ATP6V0A4: variants seen among roughly 807,000 people sequenced by gnomAD.
ATP6V0A4 encodes ATPase H+ transporting V0 subunit a4.
ATP6V0A4 carries 86 observed loss-of-function variants against 107.3 expected under a neutral mutation model. The observed-to-expected ratio is 0.80, with a 90% CI of 0.67 to 0.96. The LOEUF (loss-of-function observed/expected upper bound fraction) is 0.96. Ranked by LOEUF, ATP6V0A4 falls within the 40% of genes least tolerant of loss-of-function variation. The pLI is 0.00. For synonymous variants in ATP6V0A4, 353 were observed against 381.4 expected (o/e 0.93, Z 0.87); for missense variants, 908 against 1,045.6 (o/e 0.87, Z 1.81).
chr7:138,742,943 TCCAGAAAA>T, intron 14 of ATP6V0A4, among the ~76,000 whole-genome samples: 1 of 151,800 alleles, frequency 6.6e-6, no homozygotes. Context: ...TGTATGTCAT[TCCAGAAAA>T]CGTTTTATCC....
intron 2 of ATP6V0A4, among the ~76,000 whole-genome samples, chr7:138,781,248 A>G (rs77628357): frequency 0.024 from 3,605 of 152,310 alleles, 129 homozygotes; most frequent in African/African-American, 0.082. Flanking sequence ...ATGAACAGGT[A>G]TGGAGAAAAA....
At chr7:138,716,039 T>G in intron 19 of ATP6V0A4, 158 bp from the exon 20 acceptor site, 1 of 608,244 alleles carries the variant, frequency 1.6e-6, no homozygotes, top group Non-Finnish European at 2.1e-6. Flanking sequence ...GAAAGAATTA[T>G]CAGCACAAAG....
In ATP6V0A4 at chr7:138,798,064, G is replaced by T; in HGVS notation, c.-151C>A. On this transcript the variant is annotated 5_prime_UTR_variant, in exon 1 of 22. Coordinates refer to ENST00000310018, the MANE Select transcript of ATP6V0A4 (RefSeq NM_020632.3). ...GCAGGCACTCGGCACAACTCCGCAG[G>T]ACCGGCTCACCTGCACCGGGCACTC... is the stretch of plus-strand genomic sequence containing the variant. 6.4e-7 allele frequency: 1 copy of T among 1,568,586 alleles called. No homozygotes were observed. The highest frequency in any genetic ancestry group is 1.2e-5 in the South Asian group (1 of 85,200).
intron 1 of ATP6V0A4, among the ~76,000 whole-genome samples, chr7:138,792,845 G>A (rs1808490725): frequency 6.9e-6 from 1 of 145,868 alleles, no homozygotes; most frequent in African/African-American, 2.6e-5. Context: ...TCACAGTCCT[G>A]GGCTCAAGAA....
intron 9 of ATP6V0A4, 72 bp downstream of exon 9, chr7:138,756,386 T>G: frequency 6.2e-7 from 1 of 1,603,064 alleles, no homozygotes; most frequent in East Asian, 2.2e-5. Flanking sequence ...GTCATGTGCA[T>G]TTGGCATTGC....
At chr7:138,761,030 C>G (rs557598979) in intron 7 of ATP6V0A4, among the ~76,000 whole-genome samples, 5 of 151,776 alleles carry the variant, frequency 3.3e-5, no homozygotes, top group Non-Finnish European at 4.4e-5. Context: ...TCAGGCTGAT[C>G]TCAAACTCCT....
chr7:138,755,596 G>A, intron 10 of ATP6V0A4, 93 bp downstream of exon 10: 5 of 1,556,592 alleles, frequency 3.2e-6, no homozygotes, highest in Non-Finnish European at 4.4e-6. Context: ...CAGCCTCCCA[G>A]CAAGGGCCCT....
chr7:138,781,034 T>C (rs1052971816), intron 2 of ATP6V0A4, among the ~76,000 whole-genome samples: 3 of 152,248 alleles, frequency 2.0e-5, no homozygotes, highest in Non-Finnish European at 4.4e-5. Flanking sequence ...ACAATAGTTG[T>C]TATTCTTGCT....
chr7:138,718,201 G>GGTGTGTGTGTGTGTGTGT (rs745612469), intron 19 of ATP6V0A4, among the ~76,000 whole-genome samples: 1 of 45,538 alleles, frequency 2.2e-5, no homozygotes, highest in Non-Finnish European at 3.7e-5. Flanking sequence ...GGAAGGAATG[G>GGTGTGTGTGTGTGTGTGT]GTGTGTGTGT....
Position 138,742,900 on chromosome 7 carries a change from C to CAAAAAA in ATP6V0A4, c.1478+2217_1478+2222dup, listed in dbSNP as rs563017805. ...TCTCTTTAGAATACTAATTGCAAAG[C>CAAAAAA]AAAAAAAAAAAAAAATCACAGATAT... On this transcript the variant is annotated intron_variant, in intron 14 of 21. Transcript: ENST00000310018. Among the ~76,000 whole-genome samples, 72 of 131,610 alleles carry CAAAAAA rather than the reference C, an allele frequency of 5.5e-4. 2 individuals carry two copies. The highest frequency in any genetic ancestry group is 1.1e-3 in the East Asian group (5 of 4,418). 86.3% of individuals were successfully genotyped at this position (131,610 alleles called of 152,430 possible).
chr7:138,747,530 G>T lies in ATP6V0A4; in HGVS notation c.1215C>A (p.Phe405Leu), dbSNP rs750077972. ...PYTIITFPFL[F>L]AVMFGDCGHG... ...GACCACAGTCTCCAAACATCACAGC[G>T]AACAGGAAGGGGAAAGTGATGATGG... Residue 405 changes from phenylalanine to leucine, a missense_variant, in exon 13 of 22, where the codon TTC becomes TTA. Phe to Leu is a conservative substitution (Grantham distance 22). Transcript: ENST00000310018. The T allele has an allele frequency of 1.9e-6, 3 of 1,613,974 alleles. No individual in the cohort carries two copies. Among genetic ancestry groups the T allele is most frequent in the Admixed American group, 3.3e-5 (2 of 59,972 alleles).
intron 2 of ATP6V0A4, among the ~76,000 whole-genome samples, chr7:138,775,576 A>T (rs950860275): frequency 1.3e-5 from 2 of 151,608 alleles, no homozygotes; most frequent in Non-Finnish European, 2.9e-5. Flanking sequence ...TCCTGGGCTC[A>T]AGTGATCCTC....
At chr7:138,747,642 C>A in intron 12 of ATP6V0A4, 78 bp from the exon 13 acceptor site, 2 of 1,581,088 alleles carry the variant, frequency 1.3e-6, no homozygotes, top group South Asian at 2.3e-5. Flanking sequence ...TGCCACAGCT[C>A]CACGATTTGC....
Position 138,747,536 on chromosome 7 carries a change from G to C in ATP6V0A4, c.1209C>G (p.Phe403Leu), listed in dbSNP as rs755721786. Residue 403 changes from phenylalanine to leucine, a missense_variant, in exon 13 of 22, where the codon TTC (phenylalanine) becomes TTG (leucine). Transcript: ENST00000310018. ...AGTCTCCAAACATCACAGCGAACAG[G>C]AAGGGGAAAGTGATGATGGTGTAGG... is the stretch of plus-strand genomic sequence containing the variant. ...PAPYTIITFP[F>L]LFAVMFGDCG... 1 of 1,614,120 alleles carries C rather than the reference G, an allele frequency of 6.2e-7. No homozygotes were observed. The highest frequency in any genetic ancestry group is 8.5e-7 in the Non-Finnish European group (1 of 1,180,040).
intron 1 of ATP6V0A4, among the ~76,000 whole-genome samples, chr7:138,789,113 G>A (rs185554820): frequency 1.5e-4 from 23 of 152,160 alleles, no homozygotes; most frequent in Admixed American, 8.5e-4. Context: ...CTGACCATCC[G>A]TGGATATGTC....
intron 2 of ATP6V0A4, among the ~76,000 whole-genome samples, chr7:138,784,160 T>C (rs539667580): frequency 1.2e-4 from 18 of 149,890 alleles, no homozygotes; most frequent in Non-Finnish European, 2.1e-4. Flanking sequence ...CTCTAATTAT[T>C]TGTGCCATTG....
chr7:138,722,536 C>T (rs998482908), intron 18 of ATP6V0A4, among the ~76,000 whole-genome samples: 16 of 151,238 alleles, frequency 1.1e-4, no homozygotes, highest in Admixed American at 4.6e-4. Context: ...CACCGTGGCT[C>T]ACCTGGGGTC....
chr7:138,775,129 A>G (rs1807600923), intron 2 of ATP6V0A4, among the ~76,000 whole-genome samples: 1 of 149,830 alleles, frequency 6.7e-6, no homozygotes, highest in African/African-American at 2.5e-5. Flanking sequence ...GTACCCCAGA[A>G]TGAGTGAGGG....
chr7:138,734,016 G>C (rs1012822172), intron 16 of ATP6V0A4, 120 bp downstream of exon 16: 27 of 1,158,148 alleles, frequency 2.3e-5, no homozygotes, highest in Non-Finnish European at 3.4e-5. Flanking sequence ...GCCCAGGGAA[G>C]TACCCCTCAT....
Sources: gnomAD v4.1 joint callset for allele counts (sites outside exome capture counted in the v4.1 genomes callset) on GRCh38, gnomAD v4.1.1 for gene constraint, MANE v1.5 for transcripts, NCBI Gene and HGNC (gene_info 2026-07-23, HGNC 2026-07-21) for gene names.